Variants in GALNT17 observed in about 807,000 individuals in gnomAD.
The protein encoded by GALNT17 is polypeptide N-acetylgalactosaminyltransferase 17, also known as UDP-GalNAc:polypeptide N-acetylgalactosaminyltransferase-like 3.
In GALNT17, 29 loss-of-function variants were observed where a neutral mutation model predicts 63.7. That is an observed-to-expected ratio of 0.46 (90% CI 0.34 to 0.62). GALNT17 has a LOEUF of 0.62. GALNT17 is among the 20% of genes least tolerant of loss of function. GALNT17 has a pLI of 0.01. For missense variants in GALNT17, 603 were observed against 799.6 expected (o/e 0.75, Z 2.97); for synonymous variants, 305 against 318.3 (o/e 0.96, Z 0.45).
intron 2 of GALNT17, among the ~76,000 whole-genome samples, chr7:71,378,735 G>A (rs1792789451): frequency 6.6e-6 from 1 of 152,064 alleles, no homozygotes; most frequent in Non-Finnish European, 1.5e-5. Flanking sequence ...TGTAATCCCA[G>A]TGCTTTGGAA....
At chr7:71,675,598 G>A (rs1475222497) in intron 8 of GALNT17, among the ~76,000 whole-genome samples, 1 of 151,438 alleles carries the variant, frequency 6.6e-6, no homozygotes, top group Non-Finnish European at 1.5e-5. Context: ...ACTCCAGCCT[G>A]GAGTACAGAG....
intron 3 of GALNT17, among the ~76,000 whole-genome samples, chr7:71,401,528 G>A (rs886397039): frequency 3.3e-5 from 5 of 152,142 alleles, no homozygotes; most frequent in African/African-American, 7.2e-5. Context: ...GGACTAGGCC[G>A]CACAGCAGGA....
chr7:71,337,028 T>C (rs1221679060), intron 2 of GALNT17, among the ~76,000 whole-genome samples: 2 of 152,170 alleles, frequency 1.3e-5, no homozygotes, highest in African/African-American at 4.8e-5. Context: ...ATGATAATCA[T>C]TATGACTGGT....
chr7:71,323,032 G>GA (rs905100606), intron 1 of GALNT17, among the ~76,000 whole-genome samples: 10 of 149,612 alleles, frequency 6.7e-5, no homozygotes, highest in African/African-American at 1.7e-4. Context: ...GTTTAGCCTG[G>GA]AAAAAAAAAG....
At chr7:71,443,193 G>C (rs532593628) in intron 5 of GALNT17, among the ~76,000 whole-genome samples, 1 of 152,142 alleles carries the variant, frequency 6.6e-6, no homozygotes, top group Non-Finnish European at 1.5e-5. Context: ...GGTTATTCTA[G>C]TTGAATACTG....
chr7:71,612,798 A>G (rs752332724), intron 6 of GALNT17, among the ~76,000 whole-genome samples: 1 of 152,212 alleles, frequency 6.6e-6, no homozygotes, highest in Non-Finnish European at 1.5e-5. Context: ...CTCCTAGTTT[A>G]TTCTCACACA....
At chr7:71,575,409 A>G (rs1789519448) in intron 6 of GALNT17, among the ~76,000 whole-genome samples, 1 of 106,634 alleles carries the variant, frequency 9.4e-6, no homozygotes, top group Admixed American at 1.0e-4. Flanking sequence ...TTTTTTTTTG[A>G]GACAGAGTCT....
intron 1 of GALNT17, among the ~76,000 whole-genome samples, chr7:71,187,585 A>G (rs1421881324): frequency 1.3e-5 from 2 of 151,990 alleles, no homozygotes; most frequent in Non-Finnish European, 2.9e-5. Context: ...CTCCCCCCTC[A>G]TCCACTTTTC....
At chr7:71,301,143 C>G (rs78123852) in intron 1 of GALNT17, among the ~76,000 whole-genome samples, 1,834 of 151,014 alleles carry the variant, frequency 0.012, 41 homozygotes, top group African/African-American at 0.041. Flanking sequence ...AGAAAATCAG[C>G]CACACGTGAT....
At chr7:71,227,174 C>CAAAAAAAAA (rs58450619) in intron 1 of GALNT17, among the ~76,000 whole-genome samples, 2 of 60,816 alleles carry the variant, frequency 3.3e-5, no homozygotes, top group Non-Finnish European at 6.3e-5. Flanking sequence ...ACCGTCTCTA[C>CAAAAAAAAA]AAAAAAAAAA....
rs77371632 is a variant in GALNT17 at position 71,648,073 on chromosome 7, A to C, written c.1081-17338A>C. Among the ~76,000 whole-genome samples, 6 of 152,254 alleles carry C rather than the reference A, an allele frequency of 3.9e-5. No homozygotes were observed. The East Asian group carries it at 1.2e-3, about 30-fold the overall frequency. ...TCATTATCTCCAACCTGCCCCTCCCATGGGCCCACACAGAGGTGGTGGCAC... is the reference window on the plus strand; with the variant it reads ...TCATTATCTCCAACCTGCCCCTCCCCTGGGCCCACACAGAGGTGGTGGCAC... On this transcript the variant is annotated intron_variant, in intron 6 of 10. Coordinates refer to ENST00000333538, the MANE Select transcript of GALNT17 (RefSeq NM_022479.3).
At position 71,388,416 on chromosome 7, in the gene GALNT17, G is replaced by C. The variant is rs1792989477; in HGVS notation, c.589+15G>C. The C allele has an allele frequency of 1.2e-6, 2 of 1,612,558 alleles. No homozygotes were observed. The highest frequency in any genetic ancestry group is 1.3e-5 in the African/African-American group (1 of 74,900). Reference sequence around the variant, plus strand: ...CAGCGACGAAGGTACAGGGGTGGCTGACCTGTGCACAGGACATGATGACAG... The same window carrying C: ...CAGCGACGAAGGTACAGGGGTGGCTCACCTGTGCACAGGACATGATGACAG... On this transcript the variant is annotated intron_variant, in intron 3 of 10. Transcript: ENST00000333538.
chr7:71,150,361 T>A (rs1293359558), intron 1 of GALNT17, among the ~76,000 whole-genome samples: 1 of 152,064 alleles, frequency 6.6e-6, no homozygotes, highest in Admixed American at 6.5e-5. Context: ...ACAGAGCTAA[T>A]CTTCAGGCTC....
intron 5 of GALNT17, among the ~76,000 whole-genome samples, chr7:71,466,574 G>A (rs1787539356): frequency 1.3e-5 from 2 of 152,060 alleles, no homozygotes; most frequent in Non-Finnish European, 2.9e-5. Context: ...CCCTTCCTAG[G>A]TCTTTCCTGG....
At chr7:71,622,028 C>T (rs1158195675) in intron 6 of GALNT17, among the ~76,000 whole-genome samples, 2 of 152,300 alleles carry the variant, frequency 1.3e-5, no homozygotes, top group East Asian at 3.9e-4. Context: ...CATAATCTAC[C>T]CAACTCCTTT....
intron 1 of GALNT17, among the ~76,000 whole-genome samples, chr7:71,265,153 GTCTC>G (rs1326838445): frequency 8.3e-5 from 7 of 84,252 alleles, no homozygotes; most frequent in African/African-American, 2.9e-4. Context: ...TTGAGATGGA[GTCTC>G]TCTCTGTCAC....
At chr7:71,234,404 G>C (rs532999682) in intron 1 of GALNT17, among the ~76,000 whole-genome samples, 2 of 152,052 alleles carry the variant, frequency 1.3e-5, no homozygotes, top group Non-Finnish European at 2.9e-5. Flanking sequence ...TAGATTACAG[G>C]CATCTGCCAC....
chr7:71,347,107 TAGTG>T (rs1792110200), intron 2 of GALNT17, among the ~76,000 whole-genome samples: 2 of 152,124 alleles, frequency 1.3e-5, no homozygotes, highest in African/African-American at 4.8e-5. Context: ...CCCTTTCCTT[TAGTG>T]TGTGAGGGTG....
Position 71,712,130 on chromosome 7 carries a change from A to G in GALNT17, c.1781A>G (p.Lys594Arg), listed in dbSNP as rs138040981. 3.7e-6 allele frequency: 6 copies of G among 1,613,466 alleles called. No homozygotes were observed. Among genetic ancestry groups the G allele is most frequent in the Non-Finnish European group, 5.1e-6 (6 of 1,179,762 alleles). The part of the protein sequence containing the change: ...RSCTGQRWTI[K>R]NSIK ...TGCACAGGTCAGAGGTGGACCATTA[A>G]GAACTCCATCAAGTAGAGGGAGGGA... The change falls in exon 11 of 11, where the codon AAG becomes AGG. Residue 594 changes from lysine to arginine, a missense_variant. Lys to Arg is a conservative substitution (Grantham distance 26, BLOSUM62 2). Around this residue, in one of 3 missense-constraint regions of GALNT17, gnomAD observed 72 missense variants for 76.9 expected, o/e 0.94. Coordinates refer to ENST00000333538, the MANE Select transcript of GALNT17 (RefSeq NM_022479.3).
Sources: allele counts gnomAD v4.1 joint callset (sites outside exome capture counted in the v4.1 genomes callset), GRCh38; gene constraint gnomAD v4.1.1; regional missense constraint gnomAD v4.1.1; transcripts MANE v1.5; gene names NCBI Gene and HGNC (gene_info 2026-07-23, HGNC 2026-07-21).